Variants in CAP2 observed in about 807,000 individuals in gnomAD.
The protein encoded by CAP2 is cyclase associated actin cytoskeleton regulatory protein 2.
CAP2 carries 24 observed loss-of-function variants against 57.7 expected under a neutral mutation model. The observed-to-expected ratio is 0.42, with a 90% CI of 0.30 to 0.58. CAP2 has a LOEUF of 0.58. CAP2 is among the 20% of genes least tolerant of loss of function. CAP2 has a pLI of 0.22. For synonymous variants in CAP2, 194 were observed against 207.2 expected (o/e 0.94, Z 0.55); for missense variants, 501 against 590.3 (o/e 0.85, Z 1.57).
intron 7 of CAP2, chr6:17,536,473 C>G: frequency 3.4e-6 from 1 of 290,204 alleles, no homozygotes; most frequent in South Asian, 3.1e-5. Flanking sequence ...TCAACTGGTC[C>G]TGAGTTCCCT....
At chr6:17,540,561 G>A (rs1242905169) in intron 8 of CAP2, among the ~76,000 whole-genome samples, 3 of 152,044 alleles carry the variant, frequency 2.0e-5, no homozygotes, top group Non-Finnish European at 4.4e-5. Flanking sequence ...AGACCAGCGT[G>A]GCCAACATGG....
rs757355635 is a variant in CAP2, at chr6:17,513,998, A to T, written c.636+44A>T. On this transcript the variant is annotated intron_variant, in intron 7 of 12. Transcript: ENST00000229922. The surrounding 1 kb of genome is among the most constrained non-coding windows in gnomAD (Gnocchi z 4.3). ...TCCACGTGTGTAAAAAAAGGCCATG[A>T]CTATATATACACCCTGTGGCCCAGT... The T allele has an allele frequency of 9.0e-7, 1 of 1,116,028 alleles. No homozygotes were observed. The highest frequency in any genetic ancestry group is 1.2e-5 in the South Asian group (1 of 80,946). The allele number at this position is 1,116,028 out of a possible 1,614,324, so 69.1% of individuals were successfully genotyped here.
At chr6:17,552,997 C>T (rs948649358) in intron 12 of CAP2, among the ~76,000 whole-genome samples, 1 of 152,126 alleles carries the variant, frequency 6.6e-6, no homozygotes, top group Non-Finnish European at 1.5e-5. Flanking sequence ...ACAGTCTAAC[C>T]CTGAGATACA....
At chr6:17,469,480 G>C (rs918238189) in intron 4 of CAP2, among the ~76,000 whole-genome samples, 1 of 152,062 alleles carries the variant, frequency 6.6e-6, no homozygotes, top group African/African-American at 2.4e-5. Context: ...CCTGCACATA[G>C]AGAAAAAATT....
At position 17,530,832 on chromosome 6, in the gene CAP2, A is replaced by C. The variant is rs1316505768; in HGVS notation, c.637-8437A>C. 1.2e-5 allele frequency: 7 copies of C among 572,154 alleles called. No individual in the cohort carries two copies. In the South Asian group the frequency reaches 1.9e-4, roughly 15 times the overall value. 35.4% of individuals were successfully genotyped at this position (572,154 alleles called of 1,614,324 possible). On this transcript the variant is annotated intron_variant, in intron 7 of 12. Transcript: ENST00000229922. ...TTGGTCTCCCACTTTTTTTTTTTTC[A>C]GTTTGAGAGCAGGTACTGTTTATTA... is the stretch of plus-strand genomic sequence containing the variant.
intron 3 of CAP2, among the ~76,000 whole-genome samples, chr6:17,438,271 C>T (rs373829938): frequency 2.0e-5 from 3 of 150,816 alleles, no homozygotes; most frequent in South Asian, 4.2e-4. Context: ...GAGGCTGAGG[C>T]AGGAGAATTG....
intron 4 of CAP2, among the ~76,000 whole-genome samples, chr6:17,470,023 CAT>C (rs976487040): frequency 2.6e-5 from 4 of 152,210 alleles, no homozygotes; most frequent in African/African-American, 4.8e-5. Flanking sequence ...TTTAATAAAA[CAT>C]ATTAATTTGT....
Position 17,463,043 on chromosome 6 carries a change from G to A in CAP2, c.270G>A (p.Leu90=). The A allele has an allele frequency of 6.2e-7, 1 of 1,614,080 alleles. No homozygotes were observed. Among genetic ancestry groups the A allele is most frequent in the South Asian group, 1.1e-5 (1 of 91,060 alleles). ...SAFQAQRAFL[L]MASQYQQPHE... is the part of the protein sequence containing the mutation. ...TCCAGGCCCAGCGGGCTTTCCTTCT[G>A]ATGGCCTCTCAGTACCAACAACCCC... Residue 90 remains leucine, a synonymous_variant, in exon 4 of 13, where the codon CTG becomes CTA. Coordinates refer to ENST00000229922, the MANE Select transcript of CAP2 (RefSeq NM_006366.3).
At chr6:17,528,789 T>G (rs1339747228) in intron 7 of CAP2, among the ~76,000 whole-genome samples, 2 of 152,210 alleles carry the variant, frequency 1.3e-5, no homozygotes, top group African/African-American at 4.8e-5. Flanking sequence ...TTTCCCCAAA[T>G]TGACTTTTTA....
intron 1 of CAP2, among the ~76,000 whole-genome samples, chr6:17,397,924 GAA>G (rs59242524): frequency 2.2e-5 from 3 of 139,182 alleles, no homozygotes. Context: ...ATTTTAATGG[GAA>G]AAAAAAAAAA....
chr6:17,418,590 C>G (rs557772662), intron 1 of CAP2, among the ~76,000 whole-genome samples: 1 of 152,346 alleles, frequency 6.6e-6, no homozygotes, highest in East Asian at 1.9e-4. Flanking sequence ...CAGGCCTTCT[C>G]AAGACAGCTT....
At chr6:17,503,756 T>C (rs989061407) in intron 4 of CAP2, among the ~76,000 whole-genome samples, 2 of 152,270 alleles carry the variant, frequency 1.3e-5, no homozygotes, top group South Asian at 2.1e-4. Context: ...AATATGGTAC[T>C]GGGGGTTAAG....
chr6:17,551,257 T>C (rs772620983), intron 11 of CAP2, among the ~76,000 whole-genome samples: 73 of 152,198 alleles, frequency 4.8e-4, no homozygotes, highest in Non-Finnish European at 1.5e-4. Flanking sequence ...TCCACTTGTG[T>C]GGTCTTTTCA....
chr6:17,477,602 A>G (rs1761183425), intron 4 of CAP2, among the ~76,000 whole-genome samples: 1 of 152,238 alleles, frequency 6.6e-6, no homozygotes, highest in East Asian at 1.9e-4. Flanking sequence ...GAGAAACTCA[A>G]GGAGTCTGGA....
intron 12 of CAP2, among the ~76,000 whole-genome samples, 164 bp downstream of exon 12, chr6:17,551,768 T>C (rs1763176837): frequency 6.6e-6 from 1 of 152,202 alleles, no homozygotes; most frequent in Non-Finnish European, 1.5e-5. Flanking sequence ...TTCCCGCCTA[T>C]TAGCTTCTTG....
chr6:17,540,112 C>G (rs1371204705), intron 8 of CAP2, among the ~76,000 whole-genome samples: 1 of 152,100 alleles, frequency 6.6e-6, no homozygotes, highest in Non-Finnish European at 1.5e-5. Context: ...ACATTAGCTC[C>G]TCTGTCCTGA....
At chr6:17,509,366 T>C (rs991653601) in intron 6 of CAP2, among the ~76,000 whole-genome samples, 2 of 152,042 alleles carry the variant, frequency 1.3e-5, no homozygotes, top group African/African-American at 4.8e-5. Flanking sequence ...TTAAGAACTA[T>C]GTAACAATAT....
intron 7 of CAP2, among the ~76,000 whole-genome samples, chr6:17,526,398 G>A (rs762279655): frequency 3.9e-5 from 6 of 151,922 alleles, no homozygotes; most frequent in African/African-American, 1.2e-4. Flanking sequence ...GATTACAGGC[G>A]TCAGCCACCG....
At chr6:17,456,664 C>T (rs1760579354) in intron 3 of CAP2, among the ~76,000 whole-genome samples, 2 of 152,156 alleles carry the variant, frequency 1.3e-5, no homozygotes, top group Non-Finnish European at 2.9e-5. Flanking sequence ...CACAGATGCC[C>T]ATTCTTCCAT....
Sources: allele counts gnomAD v4.1 joint callset (sites outside exome capture counted in the v4.1 genomes callset), GRCh38; gene constraint gnomAD v4.1.1; non-coding constraint Gnocchi (gnomAD v3.1); transcripts MANE v1.5; gene names NCBI Gene and HGNC (gene_info 2026-07-23, HGNC 2026-07-21).